ZNF280D: variants seen among roughly 807,000 people sequenced by gnomAD.
The protein encoded by ZNF280D is zinc finger protein 280D.
ZNF280D carries 39 observed loss-of-function variants against 94.7 expected under a neutral mutation model. That is an observed-to-expected ratio of 0.41 (90% CI 0.32 to 0.54). The LOEUF (loss-of-function observed/expected upper bound fraction) is 0.54, where lower values mean the gene tolerates loss of function less well. Among genes scored for constraint, ZNF280D ranks in the 20% least tolerant of loss-of-function variants. The probability of loss-of-function intolerance (pLI) is 0.22; values close to 1 mark genes in which losing one functional copy is unlikely to be tolerated. For synonymous variants in ZNF280D, 398 were observed against 377.6 expected (o/e 1.05, Z -0.63); for missense variants, 1,090 against 1,149.3 (o/e 0.95, Z 0.75).
chr15:56,675,923 G>A (rs2279299), intron 13 of ZNF280D, among the ~76,000 whole-genome samples: 1 of 151,696 alleles, frequency 6.6e-6, no homozygotes, highest in Admixed American at 6.6e-5. Flanking sequence ...TTTCAAGCAC[G>A]CAAGAACAGG....
rs149587202 is a variant in ZNF280D at position 56,689,312 on chromosome 15, T to C, written c.658A>G (p.Met220Val). Reference protein sequence around the residue: ...KSPSVTSSQAMLAKGTNTSSN... With the variant: ...KSPSVTSSQAVLAKGTNTSSN... ...ATTTCATATTTACCTTTTGCTAGCATAGCCTGGGAAGAAGTCACTGAAGGA... is the reference window on the plus strand; with the variant it reads ...ATTTCATATTTACCTTTTGCTAGCACAGCCTGGGAAGAAGTCACTGAAGGA... The change falls in exon 8 of 22, where the codon ATG (methionine) becomes GTG (valine). Residue 220 changes from methionine to valine, a missense_variant. Around this residue, in one of 3 missense-constraint regions of ZNF280D, gnomAD observed 386 missense variants for 372.0 expected, o/e 1.04. Transcript: ENST00000267807. The C allele has an allele frequency of 6.3e-6, 10 of 1,597,824 alleles. No individual in the cohort carries two copies. The highest frequency in any genetic ancestry group is 3.6e-5 in the Admixed American group (2 of 56,266).
At chr15:56,638,342 T>TA (rs1319457358) in intron 20 of ZNF280D, among the ~76,000 whole-genome samples, 2 of 152,132 alleles carry the variant, frequency 1.3e-5, no homozygotes, top group African/African-American at 4.8e-5. Context: ...ATTCAAAATA[T>TA]AAAACAGACA....
intron 8 of ZNF280D, 67 bp downstream of exon 8, chr15:56,689,233 A>C (rs1343889130): frequency 4.5e-6 from 7 of 1,549,310 alleles, no homozygotes; most frequent in Non-Finnish European, 5.2e-6. Flanking sequence ...TTTAAAATTT[A>C]TAGCCACTTC....
chr15:56,718,210 T>G (rs1273746227), intron 1 of ZNF280D, among the ~76,000 whole-genome samples: 3 of 152,104 alleles, frequency 2.0e-5, no homozygotes, highest in Non-Finnish European at 4.4e-5. Flanking sequence ...TATATCCAAA[T>G]ATTTCTAAGA....
Position 56,666,984 on chromosome 15 carries a change from A to C in ZNF280D, c.1548T>G (p.Val516=). Residue 516 remains valine, a splice_region_variant and synonymous_variant, in exon 15 of 22, where the codon GTT becomes GTG. Transcript: ENST00000267807. The stretch of plus-strand genomic sequence containing the variant: ...GAGGTCCAACTGAAGCTCGAATAGT[A>C]ACCTACAAAAATAAAGAGAAGATTT... The part of the protein sequence containing the change: ...QLEGLPPGTK[V]TIRASVGPLQ... 1 of 1,566,818 alleles carries C rather than the reference A, an allele frequency of 6.4e-7. No individual in the cohort carries two copies.
intron 20 of ZNF280D, chr15:56,635,841 C>T (rs2052325304): frequency 6.6e-6 from 1 of 152,172 alleles, no homozygotes. Context: ...GTAACAATTA[C>T]CAGCTATGGA....
chr15:56,705,357 A>G (rs1447365974), intron 3 of ZNF280D, among the ~76,000 whole-genome samples: 5 of 152,142 alleles, frequency 3.3e-5, no homozygotes, highest in African/African-American at 1.2e-4. Context: ...TATTTATACC[A>G]CGTCTTCTAC....
chr15:56,666,802 G>C lies in ZNF280D; in HGVS notation c.1730C>G (p.Thr577Arg). The C allele has an allele frequency of 2.5e-6, 4 of 1,613,784 alleles. No homozygotes were observed. The highest frequency in any genetic ancestry group is 3.3e-4 in the Middle Eastern group (2 of 6,058). ...AGATTTACTTCCATTAGGCTTACTT[G>C]TATTAGGTTTACTTGCGTTGGATTT... ...TVKSNASKPN[T>R]SKPNGSKSKY... is the part of the protein sequence containing the mutation. Residue 577 changes from threonine to arginine, a missense_variant, in exon 15 of 22, where the codon ACA (threonine) becomes AGA (arginine). Transcript: ENST00000267807.
intron 16 of ZNF280D, among the ~76,000 whole-genome samples, chr15:56,661,155 T>G (rs2053919505): frequency 6.6e-6 from 1 of 152,124 alleles, no homozygotes. Context: ...CAGCTAACAA[T>G]TAGGAGTTCA....
At chr15:56,704,697 C>T (rs2057294804) in intron 3 of ZNF280D, among the ~76,000 whole-genome samples, 1 of 152,132 alleles carries the variant, frequency 6.6e-6, no homozygotes. Context: ...GAATGCCAGG[C>T]AGGATGGGAG....
At chr15:56,687,928 AAT>A (rs1491296988) in intron 9 of ZNF280D, among the ~76,000 whole-genome samples, 2 of 152,164 alleles carry the variant, frequency 1.3e-5, no homozygotes. Context: ...TTTCAATAAA[AAT>A]ATGTCAATCT....
intron 1 of ZNF280D, among the ~76,000 whole-genome samples, chr15:56,728,863 T>C (rs2058752031): frequency 6.6e-6 from 1 of 152,120 alleles, no homozygotes; most frequent in South Asian, 2.1e-4. Flanking sequence ...AAGCTTTGAG[T>C]TAGATGATGT....
intron 3 of ZNF280D, among the ~76,000 whole-genome samples, chr15:56,704,798 T>C (rs2057301894): frequency 3.3e-5 from 5 of 151,968 alleles, no homozygotes; most frequent in Admixed American, 3.3e-4. Context: ...CTGGCCAACA[T>C]GGTGAAACCC....
rs778077886 is a variant in ZNF280D, at chr15:56,635,225, T to C, written c.2285A>G (p.Glu762Gly). ...AGAATTTGATGTTTCTGTTTCTCTT[T>C]CAGCCATGTTAGGTCTTGCAATTTC... ...SKEIARPNMAERETETSNSES... is the reference protein window; with the variant it reads ...SKEIARPNMAGRETETSNSES... The change falls in exon 21 of 22, where the codon GAA (glutamate) becomes GGA (glycine). Residue 762 changes from glutamate (E) to glycine (G), a missense_variant. By Grantham distance (98) the Glu-to-Gly change is moderately conservative. Coordinates refer to ENST00000267807, the MANE Select transcript of ZNF280D (RefSeq NM_017661.4). The C allele has an allele frequency of 6.4e-7, 1 of 1,558,034 alleles. No individual in the cohort carries two copies.
chr15:56,657,216 G>C (rs1315025972), intron 17 of ZNF280D, among the ~76,000 whole-genome samples: 3 of 151,988 alleles, frequency 2.0e-5, no homozygotes, highest in African/African-American at 7.2e-5. Context: ...TAAGTGTGTG[G>C]TATAACCAAA....
intron 1 of ZNF280D, among the ~76,000 whole-genome samples, chr15:56,727,779 G>T (rs61388941): frequency 6.6e-6 from 1 of 152,302 alleles, no homozygotes; most frequent in Non-Finnish European, 1.5e-5. Flanking sequence ...AATGATGGTA[G>T]TGAAAATGAC....
intron 19 of ZNF280D, among the ~76,000 whole-genome samples, chr15:56,648,984 A>G (rs1479369925): frequency 6.6e-6 from 1 of 152,202 alleles, no homozygotes; most frequent in Non-Finnish European, 1.5e-5. Flanking sequence ...TGATTTGGCC[A>G]TCTAAAGCTA....
At chr15:56,716,475 T>A in intron 1 of ZNF280D, among the ~76,000 whole-genome samples, 3 of 114,864 alleles carry the variant, frequency 2.6e-5, no homozygotes, top group East Asian at 2.4e-4. Context: ...AGCCAGCAAA[T>A]ATGAAAAGCT....
intron 16 of ZNF280D, among the ~76,000 whole-genome samples, chr15:56,666,145 GA>G (rs1566953194): frequency 6.6e-6 from 1 of 152,020 alleles, no homozygotes; most frequent in Non-Finnish European, 1.5e-5. Flanking sequence ...AAATAAAAAA[GA>G]AAAACTATTA....
Sources: gnomAD v4.1 joint callset for allele counts (sites outside exome capture counted in the v4.1 genomes callset) on GRCh38, gnomAD v4.1.1 for gene constraint, gnomAD v4.1.1 regional missense constraint, MANE v1.5 for transcripts, NCBI Gene and HGNC (gene_info 2026-07-23, HGNC 2026-07-21) for gene names.